The following SMAD4 variants were observed in gnomAD, a reference collection of about 807,000 sequenced individuals.
SMAD4 encodes the protein MAD homolog 4.
A neutral mutation model predicts 63.2 loss-of-function variants in SMAD4; 7 were observed. The ratio of observed to expected loss-of-function variants is 0.11; its 90% CI spans 0.06 to 0.21. The LOEUF (loss-of-function observed/expected upper bound fraction) is 0.21, where lower values mean the gene tolerates loss of function less well. SMAD4 is among the 10% of genes least tolerant of loss of function. SMAD4 has a pLI of 1.00. For missense variants in SMAD4, 312 were observed against 693.8 expected (o/e 0.45, Z 6.18); for synonymous variants, 215 against 235.4 (o/e 0.91, Z 0.79).
intron 1 of SMAD4, among the ~76,000 whole-genome samples, chr18:51,039,943 C>A (rs536083196): frequency 1.3e-5 from 2 of 152,050 alleles, no homozygotes; most frequent in Admixed American, 6.6e-5. Flanking sequence ...CTTGGAAGTT[C>A]GCCAACTGCC....
Position 51,047,378 on chromosome 18 carries a change from G to A in SMAD4, c.249+83G>A, listed in dbSNP as rs750663984. ...ACGTTTCCTTTCAAGCTACTACAGGGTAATTTAATTTGTGCTCCATCTCTT... is the reference window on the plus strand; with the variant it reads ...ACGTTTCCTTTCAAGCTACTACAGGATAATTTAATTTGTGCTCCATCTCTT... On this transcript the variant is annotated intron_variant, in intron 2 of 11. Coordinates refer to ENST00000342988, the MANE Select transcript of SMAD4 (RefSeq NM_005359.6). 3.2e-6 allele frequency: 4 copies of A among 1,264,316 alleles called. No individual in the cohort carries two copies. The African/African-American group carries it at 5.9e-5, about 19-fold the overall frequency. 78.3% of individuals were successfully genotyped at this position (1,264,316 alleles called of 1,614,324 possible).
chr18:51,032,871 G>A (rs1034828910), intron 1 of SMAD4, among the ~76,000 whole-genome samples: 1 of 152,058 alleles, frequency 6.6e-6, no homozygotes, highest in Non-Finnish European at 1.5e-5. Context: ...TTTTGTCGAT[G>A]TTTAAACTTA....
intron 1 of SMAD4, among the ~76,000 whole-genome samples, chr18:51,040,637 A>G (rs1183798274): frequency 6.6e-6 from 1 of 152,224 alleles, no homozygotes; most frequent in Non-Finnish European, 1.5e-5. Flanking sequence ...GCCAGTATTC[A>G]GCCTGTTTAA....
intron 11 of SMAD4, chr18:51,077,502 C>T: frequency 2.9e-6 from 1 of 343,646 alleles, no homozygotes; most frequent in Non-Finnish European, 4.1e-6. Flanking sequence ...CCATTAGTTT[C>T]ATTGTAATAT....
At chr18:51,056,176 G>C (rs770937422) in intron 5 of SMAD4, among the ~76,000 whole-genome samples, 2 of 152,070 alleles carry the variant, frequency 1.3e-5, no homozygotes, top group Non-Finnish European at 2.9e-5. Flanking sequence ...ACAAACAGTG[G>C]GTAGTGATAG....
intron 1 of SMAD4, 24 bp from the exon 2 acceptor site, chr18:51,046,896 G>A (rs1197572250): frequency 1.4e-5 from 9 of 658,942 alleles, no homozygotes; most frequent in Non-Finnish European, 2.3e-5. Flanking sequence ...TCTGATGTGT[G>A]TCTTTTTTTT....
chr18:51,044,542 G>A (rs1020144833), intron 1 of SMAD4, among the ~76,000 whole-genome samples: 14 of 151,996 alleles, frequency 9.2e-5, no homozygotes, highest in African/African-American at 3.4e-4. Context: ...ACAGGCGTGT[G>A]CCACCACACC....
chr18:51,051,585 A>T (rs566625202), intron 4 of SMAD4, among the ~76,000 whole-genome samples: 2 of 152,286 alleles, frequency 1.3e-5, no homozygotes, highest in East Asian at 3.9e-4. Flanking sequence ...GTACTGTGTT[A>T]GGTTCCAGGG....
At chr18:51,061,144 A>G (rs571789487) in intron 8 of SMAD4, among the ~76,000 whole-genome samples, 1 of 152,308 alleles carries the variant, frequency 6.6e-6, no homozygotes, top group Admixed American at 6.5e-5. Context: ...TGATACAGGC[A>G]TATAATGCAT....
chr18:51,055,868 A>G (rs560822440), intron 5 of SMAD4, among the ~76,000 whole-genome samples: 4 of 152,104 alleles, frequency 2.6e-5, no homozygotes, highest in Non-Finnish European at 5.9e-5. Flanking sequence ...CCATTATTGT[A>G]TTTGCTTTAC....
chr18:51,044,932 A>T (rs1909495712), intron 1 of SMAD4: 1 of 152,224 alleles, frequency 6.6e-6, no homozygotes, highest in African/African-American at 2.4e-5. Context: ...ATGTGTATTA[A>T]TGTGGGCAAG....
Position 51,054,839 on chromosome 18 carries a change from G to A in SMAD4, c.513G>A (p.Ser171=), listed in dbSNP as rs1210446538. ...EYVHDFEGQP[S]LSTEGHSIQT... is the part of the protein sequence containing the mutation. ...TGCATGACTTTGAGGGACAGCCATCGTTGTCCACTGAAGGACATTCAATTC... is the reference window on the plus strand; with the variant it reads ...TGCATGACTTTGAGGGACAGCCATCATTGTCCACTGAAGGACATTCAATTC... The change falls in exon 5 of 12, where the codon TCG becomes TCA. Residue 171 remains serine, a synonymous_variant. Coordinates refer to ENST00000342988, the MANE Select transcript of SMAD4 (RefSeq NM_005359.6). The A allele has an allele frequency of 6.2e-6, 10 of 1,613,944 alleles. No homozygotes were observed. Among genetic ancestry groups the A allele is most frequent in the South Asian group, 1.1e-5 (1 of 91,078 alleles).
At position 51,079,604 on chromosome 18, in the gene SMAD4, T is replaced by C. The variant is rs1197605772; in HGVS notation, c.*1137T>C. 1 of 233,442 alleles carries C rather than the reference T, an allele frequency of 4.3e-6. No individual in the cohort carries two copies. Among genetic ancestry groups the C allele is most frequent in the Non-Finnish European group, 8.5e-6 (1 of 117,924 alleles). 14.5% of individuals were successfully genotyped at this position (233,442 alleles called of 1,614,324 possible). On this transcript the variant is annotated 3_prime_UTR_variant, in exon 12 of 12. Transcript: ENST00000342988. ...TATCTTGGGGCAAGACTGCAAACTTTTTTATATCTTTTGGTTATTCTAAGC... is the reference window on the plus strand; with the variant it reads ...TATCTTGGGGCAAGACTGCAAACTTCTTTATATCTTTTGGTTATTCTAAGC...
intron 5 of SMAD4, among the ~76,000 whole-genome samples, chr18:51,057,495 T>A (rs977336564): frequency 2.0e-5 from 3 of 152,204 alleles, no homozygotes; most frequent in Non-Finnish European, 2.9e-5. Flanking sequence ...GATTCTTGGT[T>A]TATAAAAGCT....
chr18:51,050,374 G>T (rs541513453), intron 4 of SMAD4, among the ~76,000 whole-genome samples: 46 of 149,834 alleles, frequency 3.1e-4, no homozygotes, highest in African/African-American at 9.3e-4. Context: ...AAAAAGTGGG[G>T]GGAGGCTGGG....
Position 51,078,729 on chromosome 18 carries a change from A to G in SMAD4, c.*262A>G, listed in dbSNP as rs1003596988. 4.3e-6 allele frequency: 2 copies of G among 460,496 alleles called. No individual in the cohort carries two copies. The highest frequency in any genetic ancestry group is 3.9e-5 in the African/African-American group (2 of 51,920). The allele number at this position is 460,496 out of a possible 1,614,324, so 28.5% of individuals were successfully genotyped here. On this transcript the variant is annotated 3_prime_UTR_variant, in exon 12 of 12. Transcript: ENST00000342988. Reference sequence around the variant, plus strand: ...CTTATTAATTCTTCACCTGTTATGTATGAAGGAATCATTCCAGTGCTAGAA... The same window carrying G: ...CTTATTAATTCTTCACCTGTTATGTGTGAAGGAATCATTCCAGTGCTAGAA...
chr18:51,046,510 C>T (rs1305579751), intron 1 of SMAD4, among the ~76,000 whole-genome samples: 2 of 149,782 alleles, frequency 1.3e-5, no homozygotes, highest in African/African-American at 4.9e-5. Flanking sequence ...TCATACCAGG[C>T]GATGGTAAAT....
chr18:51,038,254 G>GGT (rs1491269313), intron 1 of SMAD4, among the ~76,000 whole-genome samples: 2 of 61,134 alleles, frequency 3.3e-5, no homozygotes, highest in African/African-American at 1.3e-4. Context: ...GAGACTGTGG[G>GGT]GGGGGGGGCA....
chr18:51,044,977 TG>T (rs1174974153), intron 1 of SMAD4: 1 of 152,204 alleles, frequency 6.6e-6, no homozygotes, highest in Non-Finnish European at 1.5e-5. Context: ...CTTCTCTGCA[TG>T]GGGTTTATGA....
Sources: allele counts gnomAD v4.1 joint callset (sites outside exome capture counted in the v4.1 genomes callset), GRCh38; gene constraint gnomAD v4.1.1; transcripts MANE v1.5; gene names NCBI Gene and HGNC (gene_info 2026-07-23, HGNC 2026-07-21).